Variants in B3GLCT observed in about 807,000 individuals in gnomAD.
B3GLCT encodes the protein beta-1,3-glucosyltransferase.
B3GLCT carries 65 observed loss-of-function variants against 63.4 expected under a neutral mutation model. That is an observed-to-expected ratio of 1.03 (90% CI 0.84 to 1.26). The LOEUF is 1.26. B3GLCT is among the 50% of genes most tolerant of loss of function. B3GLCT has a pLI of 0.00. For synonymous variants in B3GLCT, 233 were observed against 219.2 expected, an observed-to-expected ratio of 1.06 and a Z score of -0.55; for missense variants, 577 against 604.8, an observed-to-expected ratio of 0.95 and a Z score of 0.48.
rs201680041 is a variant in B3GLCT at position 31,274,572 on chromosome 13, A to G, written c.724A>G (p.Thr242Ala). 1 of 1,614,150 alleles carries G rather than the reference A, an allele frequency of 6.2e-7. No individual in the cohort carries two copies. The highest frequency in any genetic ancestry group is 8.5e-7 in the Non-Finnish European group (1 of 1,180,026). The change falls in exon 9 of 15, where the codon ACC becomes GCC. Residue 242 changes from threonine to alanine, a missense_variant. Physicochemically the swap from Thr to Ala is moderately conservative, Grantham distance 58. Transcript: ENST00000343307. ...PPLTPVPEFC[T>A]NDVDFYCATT... The stretch of plus-strand genomic sequence containing the variant: ...CCTGACCCCAGTGCCTGAGTTTTGT[A>G]CCAATGACGTGGACTTCTACTGTGC...
intron 12 of B3GLCT, among the ~76,000 whole-genome samples, chr13:31,315,950 T>C (rs1195771914): frequency 1.3e-5 from 2 of 152,238 alleles, no homozygotes; most frequent in Non-Finnish European, 2.9e-5. Context: ...CCCCAAGCTT[T>C]AGCAGCTTCC....
intron 7 of B3GLCT, among the ~76,000 whole-genome samples, chr13:31,265,497 C>T (rs938007764): frequency 3.3e-5 from 5 of 152,158 alleles, no homozygotes; most frequent in Admixed American, 6.5e-5. Context: ...TCCTAGTCCC[C>T]AGGACAACTG....
intron 5 of B3GLCT, 45 bp from the exon 6 acceptor site, chr13:31,247,810 C>G: frequency 1.0e-6 from 1 of 996,032 alleles, no homozygotes; most frequent in South Asian, 1.3e-5. Flanking sequence ...TTATTATTAA[C>G]TTATTTTACA....
At chr13:31,258,462 A>G (rs1871852539) in intron 6 of B3GLCT, among the ~76,000 whole-genome samples, 1 of 152,072 alleles carries the variant, frequency 6.6e-6, no homozygotes, top group Admixed American at 6.5e-5. Flanking sequence ...TCAGGCTATC[A>G]TCATCTCCTG....
At chr13:31,273,882 C>T (rs1872670985) in intron 8 of B3GLCT, among the ~76,000 whole-genome samples, 1 of 152,142 alleles carries the variant, frequency 6.6e-6, no homozygotes, top group Non-Finnish European at 1.5e-5. Flanking sequence ...GACCCATGGT[C>T]CTAGCTTTAT....
chr13:31,208,616 G>GT (rs1869096928), intron 1 of B3GLCT, among the ~76,000 whole-genome samples: 1 of 85,606 alleles, frequency 1.2e-5, no homozygotes, highest in Non-Finnish European at 2.3e-5. Context: ...TGCTTCTTTA[G>GT]TGGCCCCCCC....
At position 31,245,188 on chromosome 13, in the gene B3GLCT, T is replaced by C. The variant is rs9542236; in HGVS notation, c.271-1835T>C. ...CCACATTTTATGTTGTGGCAGAAATTATTAATAAGCTTGTCTTCTAATCTC... is the reference window on the plus strand; with the variant it reads ...CCACATTTTATGTTGTGGCAGAAATCATTAATAAGCTTGTCTTCTAATCTC... On this transcript the variant is annotated intron_variant, in intron 4 of 14. Transcript: ENST00000343307. 0.34 allele frequency among the ~76,000 whole-genome samples: 51,427 copies of C among 152,028 alleles called. 9,726 individuals are homozygous for C. Among genetic ancestry groups the C allele is most frequent in the Middle Eastern group, 0.45 (133 of 294 alleles).
chr13:31,257,983 C>T (rs960306363), intron 6 of B3GLCT, among the ~76,000 whole-genome samples: 1 of 152,014 alleles, frequency 6.6e-6, no homozygotes, highest in Non-Finnish European at 1.5e-5. Context: ...GAGAAAAATG[C>T]AAATGTATAA....
At chr13:31,279,201 T>C (rs957848552) in intron 10 of B3GLCT, among the ~76,000 whole-genome samples, 2 of 152,112 alleles carry the variant, frequency 1.3e-5, no homozygotes, top group African/African-American at 4.8e-5. Flanking sequence ...GGATCTAAAA[T>C]ACAAATCGAG....
At chr13:31,261,150 C>T (rs1872013660) in intron 7 of B3GLCT, 68 bp downstream of exon 7, 1 of 1,533,470 alleles carries the variant, frequency 6.5e-7, no homozygotes, top group Non-Finnish European at 9.0e-7. Context: ...TCATTGAGTA[C>T]TGTAACTGAT....
At chr13:31,260,854 A>G in intron 6 of B3GLCT, 92 bp from the exon 7 acceptor site, 2 of 1,233,676 alleles carry the variant, frequency 1.6e-6, no homozygotes, top group Non-Finnish European at 2.4e-6. Flanking sequence ...CACCCAAAAT[A>G]TTTAATTATC....
At chr13:31,292,386 T>C (rs1163850963) in intron 12 of B3GLCT, among the ~76,000 whole-genome samples, 1 of 152,246 alleles carries the variant, frequency 6.6e-6, no homozygotes, top group Non-Finnish European at 1.5e-5. Flanking sequence ...GAAGGAGTGG[T>C]ACCAGCTCCT....
chr13:31,215,398 A>C (rs1410959251), intron 2 of B3GLCT, among the ~76,000 whole-genome samples: 1 of 152,148 alleles, frequency 6.6e-6, no homozygotes, highest in Non-Finnish European at 1.5e-5. Flanking sequence ...AGTTTTCCCC[A>C]GTCTTACCAA....
chr13:31,219,532 C>T (rs1444274114), intron 2 of B3GLCT, among the ~76,000 whole-genome samples: 2 of 152,158 alleles, frequency 1.3e-5, no homozygotes, highest in African/African-American at 4.8e-5. Flanking sequence ...GAATGACAGG[C>T]ATAAGGTTAA....
chr13:31,252,040 A>G (rs898917848), intron 6 of B3GLCT, among the ~76,000 whole-genome samples: 1 of 152,196 alleles, frequency 6.6e-6, no homozygotes. Flanking sequence ...CCTACAAGCC[A>G]GAAGAGAGTG....
At chr13:31,223,076 AT>A in intron 3 of B3GLCT, 85 bp downstream of exon 3, 1 of 916,700 alleles carries the variant, frequency 1.1e-6, no homozygotes. Flanking sequence ...TTTTTTTCTG[AT>A]TTTATTTATG....
chr13:31,325,248 C>A (rs1875548639), intron 14 of B3GLCT, among the ~76,000 whole-genome samples: 1 of 152,182 alleles, frequency 6.6e-6, no homozygotes, highest in Non-Finnish European at 1.5e-5. Flanking sequence ...AAGATACTTA[C>A]TTGTCCTTTA....
rs114928450 is a variant in B3GLCT at position 31,298,187 on chromosome 13, G to A, written c.1064+11368G>A. 4.0e-3 allele frequency among the ~76,000 whole-genome samples: 614 copies of A among 152,318 alleles called. 3 individuals carry two copies. Among genetic ancestry groups the A allele is most frequent in the African/African-American group, 0.014 (586 of 41,562 alleles). On this transcript the variant is annotated intron_variant, in intron 12 of 14. Transcript: ENST00000343307. Reference sequence around the variant, plus strand: ...GTATACGTTAGCCTACAAAAAGATAGCAATTTGGACGTTCCAAAGATTTTA... The same window carrying A: ...GTATACGTTAGCCTACAAAAAGATAACAATTTGGACGTTCCAAAGATTTTA...
intron 4 of B3GLCT, among the ~76,000 whole-genome samples, chr13:31,232,621 G>A (rs4430615): frequency 0.98 from 148,516 of 152,308 alleles, 72,424 homozygotes; most frequent in East Asian, 1. Flanking sequence ...GATTGAGACC[G>A]TATCACATGC....
Sources: gnomAD v4.1 joint callset for allele counts (sites outside exome capture counted in the v4.1 genomes callset) on GRCh38, gnomAD v4.1.1 for gene constraint, MANE v1.5 for transcripts, NCBI Gene and HGNC (gene_info 2026-07-23, HGNC 2026-07-21) for gene names.